The following PRELID2 variants were observed in gnomAD, a reference collection of about 807,000 sequenced individuals.
PRELID2 encodes the protein PRELI domain-containing protein 2.
A neutral mutation model predicts 28.4 loss-of-function variants in PRELID2; 25 were observed. The observed-to-expected ratio is 0.88, with a 90% confidence interval of 0.64 to 1.23. The LOEUF (loss-of-function observed/expected upper bound fraction) is 1.23. Among genes scored for constraint, PRELID2 ranks in the 50% most tolerant of loss-of-function variants. The pLI is 0.00. For missense variants in PRELID2, 201 were observed against 214.4 expected (o/e 0.94, Z 0.39); for synonymous variants, 76 against 71.6 (o/e 1.06, Z -0.31).
intron 1 of PRELID2, among the ~76,000 whole-genome samples, chr5:145,722,227 G>T (rs562814134): frequency 6.6e-6 from 1 of 152,024 alleles, no homozygotes; most frequent in Non-Finnish European, 1.5e-5. Context: ...AAATATTACC[G>T]ACAACACTCT....
At chr5:145,602,534 GTAGCA>G (rs1753412390) in intron 1 of PRELID2, among the ~76,000 whole-genome samples, 1 of 152,046 alleles carries the variant, frequency 6.6e-6, no homozygotes, top group African/African-American at 2.4e-5. Context: ...GGTAATGGAA[GTAGCA>G]GATGCAGACC....
At chr5:145,731,288 G>C (rs914628756) in intron 1 of PRELID2, among the ~76,000 whole-genome samples, 1 of 152,182 alleles carries the variant, frequency 6.6e-6, no homozygotes, top group African/African-American at 2.4e-5. Flanking sequence ...TATGGACCAA[G>C]GCAAATGTTA....
chr5:145,395,597 C>T, the PRELID2 span, among the ~76,000 whole-genome samples: 8 of 151,986 alleles, frequency 5.3e-5, no homozygotes, highest in East Asian at 3.8e-4. Context: ...AACCTTGTTG[C>T]GTGGTATTGA....
the PRELID2 span, among the ~76,000 whole-genome samples, chr5:145,234,766 C>T: frequency 3.7e-4 from 56 of 152,108 alleles, no homozygotes; most frequent in South Asian, 6.2e-4. Context: ...ATAGAGTCTA[C>T]CCATTCAGTG....
rs112832649 is a variant in PRELID2, at chr5:145,691,148, C to T, written n.70+73783G>A. Among the ~76,000 whole-genome samples the T allele has an allele frequency of 5.0e-3, 755 of 152,212 alleles. 7 individuals are homozygous for T. Among genetic ancestry groups the T allele is most frequent in the African/African-American group, 0.017 (722 of 41,524 alleles). On this transcript the variant is annotated intron_variant and non_coding_transcript_variant, in intron 1 of 2. Transcript: ENST00000510259. ...TAAATCTTGCACTGTGAGTTCTTTA[C>T]ATGTTTTTAGCTCAACTCCCCAAAA... is the stretch of plus-strand genomic sequence containing the variant.
intron 1 of PRELID2, among the ~76,000 whole-genome samples, chr5:145,728,175 T>C (rs1276412918): frequency 1.3e-5 from 2 of 152,166 alleles, no homozygotes; most frequent in Non-Finnish European, 2.9e-5. Context: ...TTGCTAGTCT[T>C]TGCTTTTGTA....
chr5:145,803,280 GCTGT>G (rs1753263366), intron 4 of PRELID2, among the ~76,000 whole-genome samples: 1 of 152,114 alleles, frequency 6.6e-6, no homozygotes, highest in South Asian at 2.1e-4. Flanking sequence ...TCTCTCCCAT[GCTGT>G]CTGTCTGAAC....
chr5:145,341,276 T>A, the PRELID2 span, among the ~76,000 whole-genome samples: 4 of 151,898 alleles, frequency 2.6e-5, no homozygotes, highest in Non-Finnish European at 5.9e-5. Flanking sequence ...ATTTTTAAAA[T>A]CTCAGATTAA....
chr5:145,273,790 A>C, the PRELID2 span, among the ~76,000 whole-genome samples: 1 of 152,158 alleles, frequency 6.6e-6, no homozygotes, highest in Non-Finnish European at 1.5e-5. Flanking sequence ...GTATCCTGGG[A>C]AATTCAGGGA....
the PRELID2 span, among the ~76,000 whole-genome samples, chr5:145,406,805 A>G: frequency 6.6e-6 from 1 of 152,218 alleles, no homozygotes; most frequent in African/African-American, 2.4e-5. Flanking sequence ...CCACTGGAGA[A>G]TCTGAAAATC....
At chr5:145,682,864 A>T (rs953752377) in intron 1 of PRELID2, among the ~76,000 whole-genome samples, 20 of 152,222 alleles carry the variant, frequency 1.3e-4, no homozygotes, top group African/African-American at 4.8e-4. Flanking sequence ...CATAAAAATC[A>T]AGAAGCTTTT....
At chr5:145,459,506 CT>C in the PRELID2 span, among the ~76,000 whole-genome samples, 1 of 152,112 alleles carries the variant, frequency 6.6e-6, no homozygotes, top group Non-Finnish European at 1.5e-5. Flanking sequence ...TCCACATAAT[CT>C]ACCATTTATA....
At chr5:145,372,064 G>C in the PRELID2 span, among the ~76,000 whole-genome samples, 1 of 151,722 alleles carries the variant, frequency 6.6e-6, no homozygotes, top group East Asian at 1.9e-4. Flanking sequence ...GATCTTTCCA[G>C]TTTCTCATTT....
intron 1 of PRELID2, among the ~76,000 whole-genome samples, chr5:145,635,262 A>G (rs992304255): frequency 7.2e-5 from 11 of 152,210 alleles, no homozygotes; most frequent in African/African-American, 2.4e-4. Flanking sequence ...CCTTCATCAC[A>G]GAATCTAAAA....
chr5:145,593,213 C>A (rs1233506535), intron 1 of PRELID2, among the ~76,000 whole-genome samples: 1 of 152,122 alleles, frequency 6.6e-6, no homozygotes, highest in African/African-American at 2.4e-5. Flanking sequence ...ATTGAAAAGG[C>A]ATAGAAACAA....
At chr5:145,706,473 CCACT>C (rs1480506976) in intron 1 of PRELID2, among the ~76,000 whole-genome samples, 9 of 152,118 alleles carry the variant, frequency 5.9e-5, no homozygotes, top group Non-Finnish European at 1.3e-4. Context: ...AAGGGAGCGC[CCACT>C]CAAACTCTAA....
At chr5:145,387,936 C>CAAAAAAAAAAAA in the PRELID2 span, among the ~76,000 whole-genome samples, 1 of 111,048 alleles carries the variant, frequency 9.0e-6, no homozygotes, top group Admixed American at 9.4e-5. Context: ...AAGACAGAAC[C>CAAAAAAAAAAAA]AAAAAAAAAA....
At chr5:145,564,104 T>A (rs1752946040) in intron 1 of PRELID2, among the ~76,000 whole-genome samples, 1 of 152,230 alleles carries the variant, frequency 6.6e-6, no homozygotes, top group Non-Finnish European at 1.5e-5. Context: ...AGACTCATTC[T>A]GGAAACAATT....
chr5:145,531,455 C>T (rs914540252), intron 1 of PRELID2, among the ~76,000 whole-genome samples: 4 of 152,168 alleles, frequency 2.6e-5, no homozygotes, highest in African/African-American at 9.6e-5. Flanking sequence ...AAGTTAAGAA[C>T]TCTAACCTTG....
Sources: gnomAD v4.1 joint callset for allele counts (sites outside exome capture counted in the v4.1 genomes callset) on GRCh38, gnomAD v4.1.1 for gene constraint, MANE v1.5 for transcripts, NCBI Gene and HGNC (gene_info 2026-07-23, HGNC 2026-07-21) for gene names.